Variants in SNX13 observed in about 807,000 individuals in gnomAD.
SNX13 encodes the protein sorting nexin-13.
In SNX13, 45 loss-of-function variants were observed where a neutral mutation model predicts 133.6. The observed-to-expected ratio is 0.34, with a 90% CI of 0.27 to 0.43. The LOEUF (loss-of-function observed/expected upper bound fraction) is 0.43. Ranked by LOEUF, SNX13 falls within the 20% of genes least tolerant of loss-of-function variation. The probability of loss-of-function intolerance (pLI) is 1.00; values close to 1 mark genes in which losing one functional copy is unlikely to be tolerated. For synonymous variants in SNX13, 414 were observed against 373.9 expected (o/e 1.11, Z -1.24); for missense variants, 1,032 against 1,145.1 (o/e 0.90, Z 1.43).
rs762933340 is a variant in SNX13 at position 17,839,897 on chromosome 7, A to T, written c.1269T>A (p.Arg423=). ...AQQQLEVLLS[R]QRDGKHQTNQ... ...TGGTTTGATGTTTTCCATCTCTCTGACGACTTAATAAAACTTCTAGCTGCT... is the reference window on the plus strand; with the variant it reads ...TGGTTTGATGTTTTCCATCTCTCTGTCGACTTAATAAAACTTCTAGCTGCT... Residue 423 remains arginine (R), a synonymous_variant, in exon 13 of 26, where the codon CGT becomes CGA. Coordinates refer to ENST00000428135, the MANE Select transcript of SNX13 (RefSeq NM_015132.5). 6.2e-7 allele frequency: 1 copy of T among 1,612,110 alleles called. No homozygotes were observed. Among genetic ancestry groups the T allele is most frequent in the South Asian group, 1.1e-5 (1 of 91,018 alleles).
At chr7:17,811,722 C>A (rs766349481) in intron 20 of SNX13, among the ~76,000 whole-genome samples, 2 of 152,184 alleles carry the variant, frequency 1.3e-5, no homozygotes, top group Non-Finnish European at 2.9e-5. Context: ...AAGCTGGAGG[C>A]ATCATGCTAC....
intron 11 of SNX13, among the ~76,000 whole-genome samples, chr7:17,848,463 G>A (rs1330176126): frequency 6.6e-6 from 1 of 152,160 alleles, no homozygotes; most frequent in Admixed American, 6.5e-5. Context: ...CATGCAAAAA[G>A]GCAAATGGTC....
At chr7:17,886,589 C>CA (rs768407457) in intron 5 of SNX13, among the ~76,000 whole-genome samples, 1,916 of 138,538 alleles carry the variant, frequency 0.014, 25 homozygotes, top group Non-Finnish European at 0.023. Flanking sequence ...GACTCCGTCT[C>CA]AAAAAAAAAA....
intron 1 of SNX13, among the ~76,000 whole-genome samples, chr7:17,918,534 T>C (rs996581879): frequency 6.6e-6 from 1 of 152,104 alleles, no homozygotes; most frequent in African/African-American, 2.4e-5. Context: ...TTATGACTAA[T>C]CATTAGAGAA....
intron 20 of SNX13, among the ~76,000 whole-genome samples, chr7:17,804,250 G>C (rs972927792): frequency 6.6e-6 from 1 of 152,046 alleles, no homozygotes; most frequent in Non-Finnish European, 1.5e-5. Context: ...GATGCAACTA[G>C]AATTAGCCAC....
chr7:17,911,214 C>A (rs76617507), intron 1 of SNX13, among the ~76,000 whole-genome samples: 4,100 of 152,116 alleles, frequency 0.027, 184 homozygotes, highest in African/African-American at 0.093. Flanking sequence ...ATCCAAGGTC[C>A]CTCTCATTAA....
At chr7:17,868,617 A>C in intron 8 of SNX13, 127 bp from the exon 9 acceptor site, 2 of 648,732 alleles carry the variant, frequency 3.1e-6, no homozygotes, top group Non-Finnish European at 2.6e-6. Flanking sequence ...GGACTTGATA[A>C]GCAACACAGT....
intron 18 of SNX13, among the ~76,000 whole-genome samples, chr7:17,820,913 G>C (rs1010822976): frequency 6.6e-6 from 1 of 151,838 alleles, no homozygotes; most frequent in African/African-American, 2.4e-5. Flanking sequence ...TTAAAAATAG[G>C]ACAGGGAAAT....
chr7:17,898,356 T>C, intron 1 of SNX13: 1 of 152,108 alleles, frequency 6.6e-6, no homozygotes, highest in East Asian at 1.9e-4. Context: ...GAAAGCATTA[T>C]AAGATGCTAA....
At chr7:17,894,211 G>A (rs1018880799) in intron 2 of SNX13, among the ~76,000 whole-genome samples, 3 of 151,642 alleles carry the variant, frequency 2.0e-5, no homozygotes, top group Non-Finnish European at 2.9e-5. Context: ...GCTGAGGTAG[G>A]AAAATTGCTT....
rs796383821 is a variant in SNX13 at position 17,791,574 on chromosome 7, A to G, written c.*2471T>C. On this transcript the variant is annotated 3_prime_UTR_variant, in exon 26 of 26. Transcript: ENST00000428135. ...CTAAATAGTGTACATGTTACCTGAA[A>G]AATCAGAAAACACAAAGAATGATTA... 5 of 152,180 alleles carry G rather than the reference A, an allele frequency of 3.3e-5. No homozygotes were observed. The highest frequency in any genetic ancestry group is 1.2e-4 in the African/African-American group (5 of 41,574). 9.4% of individuals were successfully genotyped at this position (152,180 alleles called of 1,614,324 possible). A position where few individuals can be genotyped will look rare whatever the true frequency, so the allele number is the denominator to read the frequency against.
chr7:17,858,420 A>G (rs1792197361), intron 9 of SNX13, among the ~76,000 whole-genome samples: 1 of 151,980 alleles, frequency 6.6e-6, no homozygotes, highest in South Asian at 2.1e-4. Flanking sequence ...AAATATTTAT[A>G]AAAATTTATT....
intron 14 of SNX13, among the ~76,000 whole-genome samples, 168 bp from the exon 15 acceptor site, chr7:17,834,352 A>G (rs1340453861): frequency 2.6e-5 from 4 of 151,834 alleles, no homozygotes; most frequent in Non-Finnish European, 5.9e-5. Context: ...TGATCCCTCC[A>G]GTAACTAAAT....
chr7:17,798,423 T>C (rs764470872), intron 24 of SNX13, among the ~76,000 whole-genome samples: 1 of 151,918 alleles, frequency 6.6e-6, no homozygotes, highest in Non-Finnish European at 1.5e-5. Flanking sequence ...ATTTCAATTA[T>C]CTTACAGCCA....
rs796704646 is a variant in SNX13, at chr7:17,893,564, G to C, written c.126-130C>G. Reference sequence around the variant, plus strand: ...TACTAAAAAGTCAATTTGTGACTTTGGCAAAGCAAGAAATTGACAGATTGT... The same window carrying C: ...TACTAAAAAGTCAATTTGTGACTTTCGCAAAGCAAGAAATTGACAGATTGT... On this transcript the variant is annotated intron_variant, in intron 2 of 25. Transcript: ENST00000428135. 1.8e-5 allele frequency: 11 copies of C among 609,380 alleles called. No homozygotes were observed. In the African/African-American group the frequency reaches 1.9e-4, roughly 10 times the overall value. The allele number at this position is 609,380 out of a possible 1,614,324, so 37.7% of individuals were successfully genotyped here. A position where few individuals can be genotyped will look rare whatever the true frequency, so the allele number is the denominator to read the frequency against.
At chr7:17,938,800 T>C (rs1802414286) in intron 1 of SNX13, among the ~76,000 whole-genome samples, 1 of 152,236 alleles carries the variant, frequency 6.6e-6, no homozygotes, top group Non-Finnish European at 1.5e-5. Context: ...CATATAATAT[T>C]ACACATTAGA....
At chr7:17,882,020 T>G (rs1161743188) in intron 5 of SNX13, 1 of 152,190 alleles carries the variant, frequency 6.6e-6, no homozygotes, top group Non-Finnish European at 1.5e-5. Flanking sequence ...AATTTGACCT[T>G]CTTCACAAAC....
At chr7:17,885,585 T>C (rs2128370585) in intron 5 of SNX13, among the ~76,000 whole-genome samples, 1 of 152,302 alleles carries the variant, frequency 6.6e-6, no homozygotes, top group Non-Finnish European at 1.5e-5. Flanking sequence ...CCCAGCACTT[T>C]GGGAGGCTGA....
chr7:17,803,396 C>T (rs1309563683), intron 21 of SNX13, 23 bp downstream of exon 21: 2 of 1,585,200 alleles, frequency 1.3e-6, no homozygotes, highest in African/African-American at 1.3e-5. Flanking sequence ...TTGCTTTAGA[C>T]ATTACTGAAA....
Sources: gnomAD v4.1 joint callset for allele counts (sites outside exome capture counted in the v4.1 genomes callset) on GRCh38, gnomAD v4.1.1 for gene constraint, MANE v1.5 for transcripts, NCBI Gene and HGNC (gene_info 2026-07-23, HGNC 2026-07-21) for gene names.